NOS1AP: variants seen among roughly 807,000 people sequenced by gnomAD.
NOS1AP encodes nitric oxide synthase 1 adaptor protein, also known as carboxyl-terminal PDZ ligand of neuronal nitric oxide synthase protein.
Under a neutral mutation model 56.2 loss-of-function variants are expected in NOS1AP, and 21 were observed. The ratio of observed to expected loss-of-function variants is 0.37; its 90% CI spans 0.26 to 0.54. The LOEUF (loss-of-function observed/expected upper bound fraction) is 0.54, where lower values mean the gene tolerates loss of function less well. Ranked by LOEUF, NOS1AP falls within the 20% of genes least tolerant of loss-of-function variation. The probability of loss-of-function intolerance (pLI) is 0.84; values close to 1 mark genes in which losing one functional copy is unlikely to be tolerated. For synonymous variants in NOS1AP, 270 were observed against 274.6 expected (o/e 0.98, Z 0.17); for missense variants, 522 against 657.8 (o/e 0.79, Z 2.26).
chr1:162,147,802 T>C (rs894283052), intron 1 of NOS1AP, among the ~76,000 whole-genome samples: 1 of 152,206 alleles, frequency 6.6e-6, no homozygotes, highest in Non-Finnish European at 1.5e-5. Flanking sequence ...GTTTTTTTCT[T>C]TCTAGATGTT....
intron 2 of NOS1AP, among the ~76,000 whole-genome samples, chr1:162,162,263 T>G (rs1650256789): frequency 6.6e-6 from 1 of 152,144 alleles, no homozygotes; most frequent in South Asian, 2.1e-4. Context: ...ATATAATGAA[T>G]TCTAATAAGA....
intron 2 of NOS1AP, among the ~76,000 whole-genome samples, chr1:162,203,265 CGTCT>C (rs1456240697): frequency 6.6e-6 from 1 of 152,108 alleles, no homozygotes; most frequent in African/African-American, 2.4e-5. Flanking sequence ...TATGCTTGTC[CGTCT>C]GTCTGTTCAT....
At chr1:162,241,466 A>G (rs1162896734) in intron 2 of NOS1AP, among the ~76,000 whole-genome samples, 1 of 152,192 alleles carries the variant, frequency 6.6e-6, no homozygotes, top group Non-Finnish European at 1.5e-5. Flanking sequence ...GATAATAGCT[A>G]GTTAAAATTA....
intron 6 of NOS1AP, among the ~76,000 whole-genome samples, chr1:162,345,592 A>C (rs1285994028): frequency 6.6e-6 from 1 of 152,212 alleles, no homozygotes; most frequent in Non-Finnish European, 1.5e-5. Context: ...TGAATTAAGC[A>C]TCCCACTCAA....
chr1:162,091,448 G>T (rs1230339144), intron 1 of NOS1AP, among the ~76,000 whole-genome samples: 2 of 152,144 alleles, frequency 1.3e-5, no homozygotes, highest in African/African-American at 4.8e-5. Flanking sequence ...TTTGTTGAGT[G>T]TCATCCATGA....
chr1:162,102,188 G>A (rs1419417059), intron 1 of NOS1AP, among the ~76,000 whole-genome samples: 2 of 152,134 alleles, frequency 1.3e-5, no homozygotes, highest in Non-Finnish European at 2.9e-5. Flanking sequence ...CATTTCTTCT[G>A]CATCTATTGA....
At chr1:162,092,667 T>C (rs568876500) in intron 1 of NOS1AP, among the ~76,000 whole-genome samples, 1 of 152,210 alleles carries the variant, frequency 6.6e-6, no homozygotes, top group Non-Finnish European at 1.5e-5. Context: ...ATGCAGTGAA[T>C]GAATCTGTTT....
chr1:162,353,306 A>G (rs1427095450), intron 6 of NOS1AP, among the ~76,000 whole-genome samples: 1 of 152,084 alleles, frequency 6.6e-6, no homozygotes, highest in African/African-American at 2.4e-5. Flanking sequence ...TCCCTACGGG[A>G]CCACTTGCAT....
chr1:162,194,299 C>T (rs1299792559), intron 2 of NOS1AP, among the ~76,000 whole-genome samples: 1 of 152,088 alleles, frequency 6.6e-6, no homozygotes, highest in Non-Finnish European at 1.5e-5. Flanking sequence ...CCCTTGGCTG[C>T]GATGAGTTTG....
chr1:162,075,036 G>C (rs150795752), intron 1 of NOS1AP, among the ~76,000 whole-genome samples: 2 of 152,314 alleles, frequency 1.3e-5, no homozygotes, highest in African/African-American at 4.8e-5. Flanking sequence ...CCTACTTCTT[G>C]ATGGGGGAAT....
chr1:162,235,479 C>G (rs1258075287), intron 2 of NOS1AP, among the ~76,000 whole-genome samples: 1 of 152,198 alleles, frequency 6.6e-6, no homozygotes, highest in African/African-American at 2.4e-5. Context: ...TTGCGCATAC[C>G]TGGAAAGGGG....
chr1:162,177,268 A>G (rs1026726865), intron 2 of NOS1AP, among the ~76,000 whole-genome samples: 1 of 152,218 alleles, frequency 6.6e-6, no homozygotes, highest in Non-Finnish European at 1.5e-5. Flanking sequence ...TGTGTTAATT[A>G]GGAACTTAAC....
intron 2 of NOS1AP, among the ~76,000 whole-genome samples, chr1:162,163,320 A>C (rs1300906410): frequency 2.0e-5 from 3 of 152,198 alleles, no homozygotes; most frequent in African/African-American, 4.8e-5. Flanking sequence ...CTGTCTTCTC[A>C]GTCAAAGGAA....
chr1:162,168,259 G>T (rs965196781), intron 2 of NOS1AP, among the ~76,000 whole-genome samples: 2 of 152,154 alleles, frequency 1.3e-5, no homozygotes, highest in African/African-American at 4.8e-5. Context: ...GGGATTCTCT[G>T]CTCGTTGGAA....
intron 2 of NOS1AP, among the ~76,000 whole-genome samples, chr1:162,206,638 G>A (rs1452649676): frequency 6.6e-6 from 1 of 152,124 alleles, no homozygotes; most frequent in Admixed American, 6.5e-5. Context: ...GAATTTTTTT[G>A]TTAATATACA....
At chr1:162,295,850 G>A (rs10919103) in intron 3 of NOS1AP, among the ~76,000 whole-genome samples, 22,250 of 152,118 alleles carry the variant, frequency 0.15, 2,318 homozygotes, top group East Asian at 0.45. Flanking sequence ...TTGGCTGGGC[G>A]GCTAACAAGG....
chr1:162,289,361 A>C (rs1038958318), intron 3 of NOS1AP, among the ~76,000 whole-genome samples: 3 of 149,506 alleles, frequency 2.0e-5, no homozygotes, highest in Non-Finnish European at 4.4e-5. Flanking sequence ...GAAGTGATGC[A>C]ATCTTGGCTC....
rs767856428 is a variant in NOS1AP at position 162,355,167 on chromosome 1, C to A, written c.596-20C>A. The A allele has an allele frequency of 6.2e-7, 1 of 1,613,710 alleles. No individual in the cohort carries two copies. Among genetic ancestry groups the A allele is most frequent in the African/African-American group, 1.3e-5 (1 of 74,896 alleles). On this transcript the variant is annotated intron_variant, in intron 6 of 9. Transcript: ENST00000361897. ...TCGGTGTTTTCATTCTCTTCCCTCCCTCCCCTGTTGTTCCTGCAGGCCGCC... is the reference window on the plus strand; with the variant it reads ...TCGGTGTTTTCATTCTCTTCCCTCCATCCCCTGTTGTTCCTGCAGGCCGCC...
Position 162,323,055 on chromosome 1 carries a change from A to T in NOS1AP, c.345-9962A>T, listed in dbSNP as rs994473164. Among the ~76,000 whole-genome samples the T allele has an allele frequency of 9.5e-4, 145 of 152,236 alleles. 1 individual carries two copies. Among genetic ancestry groups the T allele is most frequent in the African/African-American group, 3.2e-3 (135 of 41,548 alleles). On this transcript the variant is annotated intron_variant, in intron 4 of 9. Transcript: ENST00000361897. ...CTCACCCCGGTACCTGTGAATGTGGATGTTATTTGAATATAGGGAGTTTGC... is the reference window on the plus strand; with the variant it reads ...CTCACCCCGGTACCTGTGAATGTGGTTGTTATTTGAATATAGGGAGTTTGC...
Sources: gnomAD v4.1 joint callset for allele counts (sites outside exome capture counted in the v4.1 genomes callset) on GRCh38, gnomAD v4.1.1 for gene constraint, MANE v1.5 for transcripts, NCBI Gene and HGNC (gene_info 2026-07-23, HGNC 2026-07-21) for gene names.